DGKB: variants seen among roughly 807,000 people sequenced by gnomAD.
DGKB encodes the protein diacylglycerol kinase beta.
Under a neutral mutation model 114.3 loss-of-function variants are expected in DGKB, and 67 were observed. The observed-to-expected ratio is 0.59, with a 90% CI of 0.48 to 0.72. The LOEUF is 0.72. Among genes scored for constraint, DGKB ranks in the 30% least tolerant of loss-of-function variants. The pLI, the probability that DGKB is intolerant of heterozygous loss-of-function variation, is 0.00. For missense variants in DGKB, 907 were observed against 975.2 expected, an observed-to-expected ratio of 0.93 and a Z score of 0.93; for synonymous variants, 398 against 323.1, an observed-to-expected ratio of 1.23 and a Z score of -2.49.
At chr7:14,407,319 A>G (rs1038125388) in intron 21 of DGKB, among the ~76,000 whole-genome samples, 1 of 152,140 alleles carries the variant, frequency 6.6e-6, no homozygotes, top group Non-Finnish European at 1.5e-5. Flanking sequence ...TGAGTAACAA[A>G]CAACCTCAAA....
chr7:14,752,552 A>T (rs1318665270), intron 4 of DGKB, among the ~76,000 whole-genome samples: 3 of 152,200 alleles, frequency 2.0e-5, no homozygotes, highest in African/African-American at 4.8e-5. Flanking sequence ...GAGCAGTAAT[A>T]TGTGCAGGCT....
At chr7:14,543,339 G>T (rs1793776630) in intron 20 of DGKB, among the ~76,000 whole-genome samples, 1 of 151,992 alleles carries the variant, frequency 6.6e-6, no homozygotes, top group African/African-American at 2.4e-5. Context: ...AGCTACTCAG[G>T]AGGCTAAGGT....
At chr7:14,646,939 A>T (rs1372199448) in intron 13 of DGKB, among the ~76,000 whole-genome samples, 4 of 151,924 alleles carry the variant, frequency 2.6e-5, no homozygotes, top group Non-Finnish European at 2.9e-5. Context: ...AACAAACTAA[A>T]TTCAAAATTT....
chr7:14,739,197 G>C (rs1373971120), intron 4 of DGKB, among the ~76,000 whole-genome samples: 1 of 152,194 alleles, frequency 6.6e-6, no homozygotes, highest in Non-Finnish European at 1.5e-5. Flanking sequence ...GTCTAGGCAG[G>C]TAAGGGAAGG....
chr7:14,965,100 G>C (rs113862194), intron 1 of DGKB, among the ~76,000 whole-genome samples: 2 of 152,066 alleles, frequency 1.3e-5, no homozygotes, highest in Non-Finnish European at 2.9e-5. Flanking sequence ...AGAATATAAG[G>C]TACAGGGCTA....
intron 23 of DGKB, among the ~76,000 whole-genome samples, chr7:14,195,175 G>A (rs1433151061): frequency 1.3e-5 from 2 of 152,160 alleles, no homozygotes; most frequent in African/African-American, 4.8e-5. Flanking sequence ...TGAAGGGACT[G>A]AAGGCTTTCA....
At chr7:14,956,522 G>C (rs559872001) in intron 1 of DGKB, among the ~76,000 whole-genome samples, 2 of 152,106 alleles carry the variant, frequency 1.3e-5, no homozygotes, top group South Asian at 4.1e-4. Flanking sequence ...CATATCTTTA[G>C]GGGATGTGAA....
chr7:14,275,824 G>A (rs1313753667), intron 23 of DGKB, among the ~76,000 whole-genome samples: 3 of 152,162 alleles, frequency 2.0e-5, no homozygotes, highest in African/African-American at 7.2e-5. Flanking sequence ...ATATGATGAT[G>A]AGGCCAAATT....
At chr7:14,666,486 G>T (rs1346438945) in intron 13 of DGKB, among the ~76,000 whole-genome samples, 1 of 151,898 alleles carries the variant, frequency 6.6e-6, no homozygotes, top group African/African-American at 2.4e-5. Context: ...TTTTGGATTG[G>T]CCAGCTGAGA....
intron 1 of DGKB, among the ~76,000 whole-genome samples, chr7:14,888,568 T>C (rs1780684272): frequency 6.6e-6 from 1 of 151,734 alleles, no homozygotes; most frequent in African/African-American, 2.4e-5. Flanking sequence ...CCTTACTTAT[T>C]TGTTAGTGTA....
rs1348640534 is a variant in DGKB at position 14,148,168 on chromosome 7, G to A, written c.*963C>T. ...TCTGGCTTATTGTCTGTCTGTGAAAGGTGAGAATTTTAATCATAATTAATG... is the reference window on the plus strand; with the variant it reads ...TCTGGCTTATTGTCTGTCTGTGAAAAGTGAGAATTTTAATCATAATTAATG... On this transcript the variant is annotated 3_prime_UTR_variant, in exon 26 of 26. Coordinates refer to ENST00000402815, the MANE Select transcript of DGKB (RefSeq NM_001350709.2). The A allele has an allele frequency of 2.0e-5, 3 of 152,516 alleles. No homozygotes were observed. In the East Asian group the frequency reaches 5.8e-4, roughly 29 times the overall value. The allele number at this position is 152,516 out of a possible 1,614,324, so 9.4% of individuals were successfully genotyped here.
chr7:14,295,759 G>A lies in DGKB; in HGVS notation c.2122+42756C>T, dbSNP rs536986707. On this transcript the variant is annotated intron_variant, in intron 23 of 25. Transcript: ENST00000402815. ...CTCGGATACATGTGCAGAACATGCA[G>A]GTTTGCTACATAGGTATACATGTGC... Among the ~76,000 whole-genome samples, 3 of 151,954 alleles carry A rather than the reference G, an allele frequency of 2.0e-5. No homozygotes were observed. In the South Asian group the frequency reaches 6.2e-4, roughly 31 times the overall value.
chr7:14,359,407 G>A (rs1815253449), intron 21 of DGKB, among the ~76,000 whole-genome samples: 2 of 152,078 alleles, frequency 1.3e-5, no homozygotes, highest in African/African-American at 4.8e-5. Context: ...CATAGGCATG[G>A]GCAAGGACTT....
chr7:14,315,724 C>T lies in DGKB; in HGVS notation c.2122+22791G>A, dbSNP rs1469616598. Among the ~76,000 whole-genome samples the T allele has an allele frequency of 1.5e-3, 222 of 150,092 alleles. 1 individual carries two copies. Among genetic ancestry groups the T allele is most frequent in the African/African-American group, 4.9e-3 (194 of 39,690 alleles). ...CCACTGTCAACATTAGACAGATCAA[C>T]GGGACAGAAAGTCAACAAGGATACC... is the stretch of plus-strand genomic sequence containing the variant. On this transcript the variant is annotated intron_variant, in intron 23 of 25. Transcript: ENST00000402815.
chr7:14,579,283 A>G (rs1024568922), intron 19 of DGKB, among the ~76,000 whole-genome samples: 2 of 152,182 alleles, frequency 1.3e-5, no homozygotes, highest in Non-Finnish European at 2.9e-5. Flanking sequence ...CTCAAAGGGA[A>G]TTCATCACTA....
chr7:14,191,868 T>C, intron 23 of DGKB: 2 of 512,576 alleles, frequency 3.9e-6, no homozygotes, highest in South Asian at 3.0e-5. Flanking sequence ...ACAGTTCACA[T>C]TGCTTGCCAG....
Position 14,314,715 on chromosome 7 carries a change from A to G in DGKB, c.2122+23800T>C, listed in dbSNP as rs1021512490. Among the ~76,000 whole-genome samples the G allele has an allele frequency of 9.2e-5, 14 of 152,026 alleles. No individual in the cohort carries two copies. The East Asian group carries it at 1.9e-3, about 21-fold the overall frequency. On this transcript the variant is annotated intron_variant, in intron 23 of 25. Coordinates refer to ENST00000402815, the MANE Select transcript of DGKB (RefSeq NM_001350709.2). ...CAAGTTGGAAAACACTCTGCAGGAT[A>G]TTATCCAGGAGAATTTCCCCAATCT... is the stretch of plus-strand genomic sequence containing the variant.
chr7:14,360,124 T>C (rs1815408828), intron 21 of DGKB, among the ~76,000 whole-genome samples: 1 of 152,130 alleles, frequency 6.6e-6, no homozygotes, highest in Non-Finnish European at 1.5e-5. Context: ...CATGGAATAC[T>C]ATACAGCCAT....
chr7:14,834,523 G>T (rs1846877604), intron 2 of DGKB, among the ~76,000 whole-genome samples: 1 of 152,084 alleles, frequency 6.6e-6, no homozygotes, highest in Admixed American at 6.6e-5. Context: ...CCAGCACACA[G>T]TCACGAGTGC....
Sources: gnomAD v4.1 joint callset for allele counts (sites outside exome capture counted in the v4.1 genomes callset) on GRCh38, gnomAD v4.1.1 for gene constraint, MANE v1.5 for transcripts, NCBI Gene and HGNC (gene_info 2026-07-23, HGNC 2026-07-21) for gene names.